The following DNAJC28 variants were observed in gnomAD, a reference collection of about 807,000 sequenced individuals.
DNAJC28 encodes the protein dnaJ homolog subfamily C member 28.
DNAJC28 carries 24 observed loss-of-function variants against 33.3 expected under a neutral mutation model. The ratio of observed to expected loss-of-function variants is 0.72; its 90% CI spans 0.52 to 1.01. The LOEUF (loss-of-function observed/expected upper bound fraction) is 1.01. Among genes scored for constraint, DNAJC28 ranks in the 50% least tolerant of loss-of-function variants. DNAJC28 has a pLI of 0.00. For missense variants in DNAJC28, 442 were observed against 455.2 expected, an observed-to-expected ratio of 0.97 and a Z score of 0.26; for synonymous variants, 120 against 147.2, an observed-to-expected ratio of 0.82 and a Z score of 1.34.
chr21:33,490,470 G>A (rs1056083226), intron 1 of DNAJC28, among the ~76,000 whole-genome samples: 1 of 151,144 alleles, frequency 6.6e-6, no homozygotes, highest in Non-Finnish European at 1.5e-5. Context: ...AGCTGATGAA[G>A]TTTAGTGTTA....
chr21:33,489,789 C>CT (rs35360893), intron 1 of DNAJC28, among the ~76,000 whole-genome samples: 25,813 of 120,456 alleles, frequency 0.21, 3,235 homozygotes, highest in Non-Finnish European at 0.24. Flanking sequence ...TGCGCTCAGC[C>CT]TTTTTTTTTT....
chr21:33,489,044 C>A lies in DNAJC28; in HGVS notation c.350G>T (p.Gly117Val), dbSNP rs767928230. The A allele has an allele frequency of 1.9e-6, 3 of 1,612,866 alleles. No individual in the cohort carries two copies. Among genetic ancestry groups the A allele is most frequent in the Non-Finnish European group, 2.5e-6 (3 of 1,179,754 alleles). The change falls in exon 2 of 2, where the codon GGT becomes GTT. Residue 117 changes from glycine (G) to valine (V), a missense_variant. Gly to Val is a moderately radical substitution (Grantham distance 109, BLOSUM62 -3). Transcript: ENST00000381947. ...TTTTTCTACATCTTCTTCTTCTTCA[C>A]CTTTACTCTGACTGGCATTTGTTTG... is the stretch of plus-strand genomic sequence containing the variant. ...IEQTNASQSK[G>V]EEEEDVEKFK...
Position 33,488,955 on chromosome 21 carries a change from G to C in DNAJC28, c.439C>G (p.Pro147Ala). ...LSFEGIGFGT[P>A]TQREKHYRQF... ...CTATAATGCTTCTCTCGTTGAGTTGGAGTCCCAAAACCAATACCTTCAAAA... is the reference window on the plus strand; with the variant it reads ...CTATAATGCTTCTCTCGTTGAGTTGCAGTCCCAAAACCAATACCTTCAAAA... The change falls in exon 2 of 2, where the codon CCA becomes GCA. Residue 147 changes from proline to alanine, a missense_variant. By Grantham distance (27) the Pro-to-Ala change is conservative. Coordinates refer to ENST00000381947, the MANE Select transcript of DNAJC28 (RefSeq NM_001040192.3). 6.2e-7 allele frequency: 1 copy of C among 1,613,846 alleles called. No individual in the cohort carries two copies. The highest frequency in any genetic ancestry group is 8.5e-7 in the Non-Finnish European group (1 of 1,180,016).
rs757429999 is a variant in DNAJC28, at chr21:33,488,786, A to C, written c.608T>G (p.Leu203Ter). The C allele has an allele frequency of 1.2e-6, 2 of 1,613,750 alleles. No individual in the cohort carries two copies. The highest frequency in any genetic ancestry group is 1.7e-5 in the Admixed American group (1 of 59,922). ...QQKITQAIER[L>*]VEDLIQESMA... ...GGATTCTTGAATGAGGTCCTCCACT[A>C]AACGTTCTATAGCTTGCGTTATCTT... Residue 203 changes from leucine to a stop codon, truncating the protein, a stop_gained, in exon 2 of 2, where the codon TTA becomes TGA. Coordinates refer to ENST00000381947, the MANE Select transcript of DNAJC28 (RefSeq NM_001040192.3). LOFTEE classifies it high-confidence loss of function.
chr21:33,488,111 G>C lies in DNAJC28; in HGVS notation c.*116C>G, dbSNP rs1601148360. ...CTCACTCACACATCATTGGCTATGT[G>C]ATTAGTTTTGTGATAAGTACAATGG... is the stretch of plus-strand genomic sequence containing the variant. On this transcript the variant is annotated 3_prime_UTR_variant, in exon 2 of 2. Transcript: ENST00000381947. 1.2e-6 allele frequency: 1 copy of C among 817,732 alleles called. No individual in the cohort carries two copies. The highest frequency in any genetic ancestry group is 3.0e-5 in the East Asian group (1 of 33,106). The allele number at this position is 817,732 out of a possible 1,614,324, so 50.7% of individuals were successfully genotyped here.
chr21:33,491,167 T>C (rs1161136014), intron 1 of DNAJC28: 3 of 152,192 alleles, frequency 2.0e-5, no homozygotes, highest in African/African-American at 7.2e-5. Flanking sequence ...AAAACCATGA[T>C]GAATTGTGAG....
Position 33,489,121 on chromosome 21 carries a change from T to C in DNAJC28, c.273A>G (p.Thr91=). Residue 91 remains threonine (T), a synonymous_variant, in exon 2 of 2, where the codon ACA becomes ACG. Transcript: ENST00000381947. ...DSGSNTADSA[T]FIRIEKAYRK... is the part of the protein sequence containing the mutation. The stretch of plus-strand genomic sequence containing the variant: ...TATAAGCTTTTTCAATCCTTATAAA[T>C]GTTGCAGAATCAGCAGTATTAGAGC... 2 of 1,613,996 alleles carry C rather than the reference T, an allele frequency of 1.2e-6. No homozygotes were observed. Among genetic ancestry groups the C allele is most frequent in the Non-Finnish European group, 8.5e-7 (1 of 1,179,994 alleles).
rs1222673134 is a variant in DNAJC28, at chr21:33,488,169, A to G, written c.*58T>C. 7.6e-7 allele frequency: 1 copy of G among 1,319,350 alleles called. No individual in the cohort carries two copies. 81.7% of individuals were successfully genotyped at this position (1,319,350 alleles called of 1,614,324 possible). ...CTTAAATTCTTGTATTATAGCAATA[A>G]ATCTCATTTTCCATGTAAAGTGTCA... On this transcript the variant is annotated 3_prime_UTR_variant, in exon 2 of 2. Transcript: ENST00000381947.
Position 33,488,096 on chromosome 21 carries a change from C to T in DNAJC28, c.*131G>A. ...AAACCTGATAGGTTTCTCACTCACA[C>T]ATCATTGGCTATGTGATTAGTTTTG... is the stretch of plus-strand genomic sequence containing the variant. On this transcript the variant is annotated 3_prime_UTR_variant, in exon 2 of 2. Transcript: ENST00000381947. The T allele has an allele frequency of 1.4e-6, 1 of 724,648 alleles. No homozygotes were observed. The allele number at this position is 724,648 out of a possible 1,614,324, so 44.9% of individuals were successfully genotyped here.
At position 33,488,378 on chromosome 21, in the gene DNAJC28, T is replaced by C; in HGVS notation, c.1016A>G (p.Lys339Arg). 6.3e-7 allele frequency: 1 copy of C among 1,593,442 alleles called. No individual in the cohort carries two copies. The highest frequency in any genetic ancestry group is 1.2e-5 in the South Asian group (1 of 85,886). ...DAQKEIVRAQ[K>R]IYETLIKTKE... ...TGTTTTTATAAGGGTCTCGTATATT[T>C]TCTGGGCTCTGACAATTTCTTTCTG... Residue 339 changes from lysine (K) to arginine (R), a missense_variant, in exon 2 of 2, where the codon AAA becomes AGA. Coordinates refer to ENST00000381947, the MANE Select transcript of DNAJC28 (RefSeq NM_001040192.3).
chr21:33,488,584 GAGTTGCTCA>G lies in DNAJC28; in HGVS notation c.801_809del (p.Glu268_Leu270del), dbSNP rs2084485158. ...TCCTAGACACTAAAATTGCCTCTCTGAGTTGCTCAATAGTATCGCTTATTTCCTTTTGCT... is the reference window on the plus strand; with the variant it reads ...TCCTAGACACTAAAATTGCCTCTCTGATAGTATCGCTTATTTCCTTTTGCT... On this transcript the variant is annotated inframe_deletion, in exon 2 of 2. Transcript: ENST00000381947. 6.2e-7 allele frequency: 1 copy of G among 1,613,564 alleles called. No homozygotes were observed. Among genetic ancestry groups the G allele is most frequent in the Non-Finnish European group, 8.5e-7 (1 of 1,179,966 alleles).
rs2145648619 is a variant in DNAJC28 at position 33,488,905 on chromosome 21, A to G, written c.489T>C (p.Ala163=). The G allele has an allele frequency of 6.2e-7, 1 of 1,612,146 alleles. No homozygotes were observed. Among genetic ancestry groups the G allele is most frequent in the Non-Finnish European group, 8.5e-7 (1 of 1,179,742 alleles). ...GCTTTTGATATTCCATCACTTGTTC[A>G]GCAGCACGGTCTGCCCTAAATTGCC... is the stretch of plus-strand genomic sequence containing the variant. ...HYRQFRADRA[A]EQVMEYQKQK... Residue 163 remains alanine (A), a synonymous_variant, in exon 2 of 2, where the codon GCT becomes GCC. Transcript: ENST00000381947.
In DNAJC28 at chr21:33,488,504, C is replaced by G; in HGVS notation, c.890G>C (p.Cys297Ser). ...PTEKKQWNHVCEQFQENIRKL... is the reference protein window; with the variant it reads ...PTEKKQWNHVSEQFQENIRKL... Reference sequence around the variant, plus strand: ...TCTGATGTTTTCTTGAAACTGCTCACAAACATGGTTCCACTGTTTCTTTTC... The same window carrying G: ...TCTGATGTTTTCTTGAAACTGCTCAGAAACATGGTTCCACTGTTTCTTTTC... Residue 297 changes from cysteine (C) to serine (S), a missense_variant, in exon 2 of 2, where the codon TGT (cysteine) becomes TCT (serine). Cys to Ser is a moderately radical substitution (Grantham distance 112). Transcript: ENST00000381947. 2 of 1,612,178 alleles carry G rather than the reference C, an allele frequency of 1.2e-6. No homozygotes were observed. Among genetic ancestry groups the G allele is most frequent in the South Asian group, 2.2e-5 (2 of 90,202 alleles).
chr21:33,489,470 G>T, intron 1 of DNAJC28, 46 bp from the exon 2 acceptor site: 3 of 1,033,862 alleles, frequency 2.9e-6, no homozygotes, highest in South Asian at 2.6e-5. Context: ...TGTATTATCA[G>T]TTAATTTCTT....
Position 33,488,793 on chromosome 21 carries a change from C to G in DNAJC28, c.601G>C (p.Glu201Gln). 1 of 1,613,754 alleles carries G rather than the reference C, an allele frequency of 6.2e-7. No individual in the cohort carries two copies. The highest frequency in any genetic ancestry group is 8.5e-7 in the Non-Finnish European group (1 of 1,179,958). Residue 201 changes from glutamate (E) to glutamine (Q), a missense_variant, in exon 2 of 2, where the codon GAA (glutamate) becomes CAA (glutamine). By Grantham distance (29) the Glu-to-Gln change is conservative (BLOSUM62 2). Transcript: ENST00000381947. Reference sequence around the variant, plus strand: ...TGAATGAGGTCCTCCACTAAACGTTCTATAGCTTGCGTTATCTTTTGCTGT... The same window carrying G: ...TGAATGAGGTCCTCCACTAAACGTTGTATAGCTTGCGTTATCTTTTGCTGT... Reference protein sequence around the residue: ...SKQQKITQAIERLVEDLIQES... With the variant: ...SKQQKITQAIQRLVEDLIQES...
In DNAJC28 at chr21:33,488,618, T is replaced by C; in HGVS notation, c.776A>G (p.Lys259Arg). The C allele has an allele frequency of 6.2e-7, 1 of 1,614,076 alleles. No individual in the cohort carries two copies. The highest frequency in any genetic ancestry group is 1.1e-5 in the South Asian group (1 of 91,024). ...AATAGTATCGCTTATTTCCTTTTGC[T>C]TAAGGATCCATTCTGGTTGGTATCC... Reference protein sequence around the residue: ...DNGYQPEWILKQKEISDTIEQ... With the variant: ...DNGYQPEWILRQKEISDTIEQ... Residue 259 changes from lysine (K) to arginine (R), a missense_variant, in exon 2 of 2, where the codon AAG becomes AGG. Coordinates refer to ENST00000381947, the MANE Select transcript of DNAJC28 (RefSeq NM_001040192.3).
intron 1 of DNAJC28, 164 bp downstream of exon 1, chr21:33,491,438 G>A (rs1406719145): frequency 1.3e-5 from 2 of 152,232 alleles, no homozygotes; most frequent in African/African-American, 2.4e-5. Flanking sequence ...CTGGGGTAGG[G>A]GTTCCGCGGC....
intron 1 of DNAJC28, chr21:33,491,055 A>G (rs1005893443): frequency 6.6e-6 from 1 of 152,184 alleles, no homozygotes; most frequent in Admixed American, 6.5e-5. Context: ...ACTTATGGAC[A>G]AGGTACGTAC....
At chr21:33,489,489 C>A in intron 1 of DNAJC28, 65 bp from the exon 2 acceptor site, 3 of 855,834 alleles carry the variant, frequency 3.5e-6, no homozygotes. Flanking sequence ...TTATTTTCAG[C>A]AATAAGGTAA....
Sources: allele counts gnomAD v4.1 joint callset (sites outside exome capture counted in the v4.1 genomes callset), GRCh38; gene constraint gnomAD v4.1.1; transcripts MANE v1.5; gene names NCBI Gene and HGNC (gene_info 2026-07-23, HGNC 2026-07-21).